Variants in DMD observed in about 807,000 individuals in gnomAD.
DMD encodes dystrophin.
DMD carries 63 observed loss-of-function variants against 330.1 expected under a neutral mutation model. The observed-to-expected ratio is 0.19, with a 90% confidence interval of 0.16 to 0.24. DMD has a LOEUF of 0.24. Among genes scored for constraint, DMD ranks in the 10% least tolerant of loss-of-function variants. The probability of loss-of-function intolerance (pLI) is 1.00; values close to 1 mark genes in which losing one functional copy is unlikely to be tolerated. For synonymous variants in DMD, 1,223 were observed against 959.8 expected, an observed-to-expected ratio of 1.27 and a Z score of -5.07; for missense variants, 3,344 against 2,684.1, an observed-to-expected ratio of 1.25 and a Z score of -5.43.
At chrX:32,601,364 G>C (rs922391009) in intron 12 of DMD, among the ~76,000 whole-genome samples, 2 of 111,219 alleles carry the variant, frequency 1.8e-5, no homozygotes, top group Non-Finnish European at 3.8e-5. Context: ...TCTTATATCA[G>C]AACACACTGA....
chrX:31,866,523 A>G (rs2093802452), intron 48 of DMD, among the ~76,000 whole-genome samples: 1 of 112,018 alleles, frequency 8.9e-6, no homozygotes, highest in African/African-American at 3.2e-5. Context: ...ATTGATGTAA[A>G]CTTTTAGCCC....
chrX:31,249,391 G>A (rs190130887), intron 63 of DMD, among the ~76,000 whole-genome samples: 2 of 111,176 alleles, frequency 1.8e-5, no homozygotes, highest in South Asian at 3.9e-4. Context: ...ACAGGCAGAC[G>A]CCACCACTTC....
chrX:32,635,218 A>G (rs752448525), intron 11 of DMD, among the ~76,000 whole-genome samples: 27 of 111,494 alleles, frequency 2.4e-4, no homozygotes, highest in Non-Finnish European at 4.5e-4. Context: ...GCTGCCATGG[A>G]TGAGGGAGAG....
chrX:32,724,862 T>A (rs185354815), intron 7 of DMD, among the ~76,000 whole-genome samples: 13 of 112,115 alleles, frequency 1.2e-4, no homozygotes, highest in Admixed American at 1.9e-4. Flanking sequence ...TATCATATGT[T>A]AATTATTTGC....
intron 1 of DMD, among the ~76,000 whole-genome samples, chrX:33,142,953 C>T (rs1033871155): frequency 9.0e-6 from 1 of 111,376 alleles, no homozygotes; most frequent in African/African-American, 3.3e-5. Flanking sequence ...ATTTTAGGAA[C>T]AGCCATATGA....
chrX:31,739,752 T>G (rs2087160644), intron 51 of DMD, among the ~76,000 whole-genome samples: 1 of 107,318 alleles, frequency 9.3e-6, no homozygotes, highest in Non-Finnish European at 1.9e-5. Flanking sequence ...GTTCTGCACA[T>G]GTATCCCAGA....
intron 1 of DMD, among the ~76,000 whole-genome samples, chrX:33,123,759 C>T (rs1464744589): frequency 4.2e-5 from 4 of 95,921 alleles, no homozygotes; most frequent in African/African-American, 7.8e-5. Context: ...AATATTAAAA[C>T]AAACGAAAAC....
At chrX:32,927,525 G>A (rs777364418) in intron 2 of DMD, among the ~76,000 whole-genome samples, 4 of 109,587 alleles carry the variant, frequency 3.7e-5, no homozygotes, top group Non-Finnish European at 5.7e-5. Flanking sequence ...CAGGTGACCC[G>A]CTGCCTCGGA....
intron 29 of DMD, among the ~76,000 whole-genome samples, chrX:32,433,887 G>A (rs1202577117): frequency 8.9e-6 from 1 of 111,795 alleles, no homozygotes; most frequent in Non-Finnish European, 1.9e-5. Context: ...TACAATAGTT[G>A]TAAAAATGAT....
chrX:32,570,428 C>T (rs978034388), intron 15 of DMD, among the ~76,000 whole-genome samples: 2 of 111,880 alleles, frequency 1.8e-5, no homozygotes, highest in African/African-American at 6.5e-5. Flanking sequence ...GGTGACATAA[C>T]ACAAATTTTA....
At chrX:32,555,688 A>G (rs753029152) in intron 16 of DMD, among the ~76,000 whole-genome samples, 6 of 111,564 alleles carry the variant, frequency 5.4e-5, no homozygotes, top group Non-Finnish European at 5.7e-5. Context: ...ACCTACAACC[A>G]TCTGATCTTC....
chrX:31,875,416 G>A (rs2093953634), intron 47 of DMD, 43 bp from the exon 48 acceptor site: 2 of 981,070 alleles, frequency 2.0e-6, no homozygotes, highest in East Asian at 6.7e-5. Flanking sequence ...AATTCTCAAG[G>A]CATAAGCCAA....
intron 63 of DMD, among the ~76,000 whole-genome samples, chrX:31,255,042 CAAAA>C (rs200072850): frequency 2.1e-5 from 1 of 46,818 alleles, no homozygotes; most frequent in African/African-American, 7.9e-5. Context: ...AAGATGCTGT[CAAAA>C]AAAAAAAAAA....
At chrX:31,322,291 A>G (rs2056481518) in intron 62 of DMD, among the ~76,000 whole-genome samples, 1 of 111,914 alleles carries the variant, frequency 8.9e-6, no homozygotes, top group Non-Finnish European at 1.9e-5. Context: ...TGTTCCATAA[A>G]ATATACAGTG....
At chrX:32,104,804 G>A (rs2096557034) in intron 44 of DMD, among the ~76,000 whole-genome samples, 1 of 110,963 alleles carries the variant, frequency 9.0e-6, no homozygotes. Flanking sequence ...GAGTTGTATG[G>A]AACACTCAAG....
Position 32,345,936 on chromosome X carries a change from C to G in DMD, c.5586+7G>C, listed in dbSNP as rs1319441098. 1 of 1,205,153 alleles carries G rather than the reference C, an allele frequency of 8.3e-7. No homozygotes were observed. Among genetic ancestry groups the G allele is most frequent in the Non-Finnish European group, 1.1e-6 (1 of 892,714 alleles). ...GGCAAGGTATATTATAATTTTAGCT[C>G]TAATACCTTGAGAGCATTATGTTTT... On this transcript the variant is annotated splice_region_variant and intron_variant, in intron 39 of 78. Coordinates refer to ENST00000357033, the MANE Select transcript of DMD (RefSeq NM_004006.3).
At chrX:32,862,188 C>T (rs2082121704) in intron 2 of DMD, among the ~76,000 whole-genome samples, 2 of 111,970 alleles carry the variant, frequency 1.8e-5, no homozygotes, top group South Asian at 7.4e-4. Context: ...CCAAGTTATT[C>T]CTTGCAGCTA....
In DMD at chrX:32,870,980, A is replaced by AAAAAAG. The variant is rs1557104333; in HGVS notation, c.94-21161_94-21160insCTTTTT. On this transcript the variant is annotated intron_variant, in intron 2 of 78. Coordinates refer to ENST00000357033, the MANE Select transcript of DMD (RefSeq NM_004006.3). ...CAGCAAAAAAAAAAAAAAAAAAAAA[A>AAAAAAG]AAAAAAAACCACAAAACCCATCATC... Among the ~76,000 whole-genome samples, 14 of 37,237 alleles carry AAAAAAG rather than the reference A, an allele frequency of 3.8e-4. 1 individual carries two copies. Among genetic ancestry groups the AAAAAAG allele is most frequent in the African/African-American group, 1.1e-3 (12 of 10,605 alleles). The allele number at this position is 37,237 out of a possible 115,157, so 32.3% of individuals were successfully genotyped here.
chrX:32,428,277 TC>T (rs2098221437), intron 29 of DMD, among the ~76,000 whole-genome samples: 1 of 112,055 alleles, frequency 8.9e-6, no homozygotes, highest in Non-Finnish European at 1.9e-5. Context: ...TCATCTTTGA[TC>T]CACAAATTAT....
Sources: allele counts gnomAD v4.1 joint callset (sites outside exome capture counted in the v4.1 genomes callset), GRCh38; gene constraint gnomAD v4.1.1; transcripts MANE v1.5; gene names NCBI Gene and HGNC (gene_info 2026-07-23, HGNC 2026-07-21).